Variants in SGCZ observed in about 807,000 individuals in gnomAD.
SGCZ encodes the protein sarcoglycan zeta.
Under a neutral mutation model 41.3 loss-of-function variants are expected in SGCZ, and 40 were observed. The observed-to-expected ratio is 0.97, with a 90% CI of 0.75 to 1.26. SGCZ has a LOEUF of 1.26. Among genes scored for constraint, SGCZ ranks in the 50% most tolerant of loss-of-function variants. The pLI is 0.00. For synonymous variants in SGCZ, 206 were observed against 137.5 expected, an observed-to-expected ratio of 1.50 and a Z score of -3.49; for missense variants, 552 against 369.8, an observed-to-expected ratio of 1.49 and a Z score of -4.04.
At chr8:14,790,510 G>T (rs1380654818) in intron 1 of SGCZ, among the ~76,000 whole-genome samples, 1 of 152,046 alleles carries the variant, frequency 6.6e-6, no homozygotes, top group Non-Finnish European at 1.5e-5. Context: ...TTGGAAAATA[G>T]TCCAAAACAT....
At chr8:14,965,289 G>T (rs1801097000) in intron 1 of SGCZ, among the ~76,000 whole-genome samples, 1 of 152,092 alleles carries the variant, frequency 6.6e-6, no homozygotes, top group African/African-American at 2.4e-5. Flanking sequence ...TAGGTGCGAT[G>T]TTTAACCTCC....
chr8:14,757,864 T>C (rs1387194913), intron 1 of SGCZ, among the ~76,000 whole-genome samples: 5 of 152,194 alleles, frequency 3.3e-5, no homozygotes, highest in Non-Finnish European at 7.3e-5. Context: ...AAATGGAAAC[T>C]ACAATTGCAT....
chr8:14,580,889 T>C (rs1377197760), intron 1 of SGCZ, among the ~76,000 whole-genome samples: 1 of 152,176 alleles, frequency 6.6e-6, no homozygotes, highest in Non-Finnish European at 1.5e-5. Context: ...TAGGGCTCAC[T>C]CATTCAAGCA....
intron 2 of SGCZ, among the ~76,000 whole-genome samples, chr8:14,443,676 A>C (rs1224190629): frequency 6.6e-6 from 1 of 152,212 alleles, no homozygotes; most frequent in Admixed American, 6.5e-5. Flanking sequence ...TGGATTAAAG[A>C]CTGAAACGTT....
intron 1 of SGCZ, among the ~76,000 whole-genome samples, chr8:14,786,803 T>C (rs549465830): frequency 2.7e-5 from 4 of 149,082 alleles, no homozygotes; most frequent in African/African-American, 1.0e-4. Flanking sequence ...AAAGATCCCA[T>C]GTTTTACAAG....
At chr8:15,041,985 AG>A (rs1163676756) in intron 1 of SGCZ, among the ~76,000 whole-genome samples, 4 of 152,192 alleles carry the variant, frequency 2.6e-5, no homozygotes, top group African/African-American at 9.6e-5. Context: ...AAAAGGCTAA[AG>A]GAAGAAAATG....
chr8:15,123,013 C>T (rs991690793), intron 1 of SGCZ, among the ~76,000 whole-genome samples: 3 of 152,124 alleles, frequency 2.0e-5, no homozygotes, highest in African/African-American at 7.2e-5. Flanking sequence ...AAAAATGTTA[C>T]CAACAAAACT....
rs190588774 is a variant in SGCZ at position 14,472,017 on chromosome 8, C to T, written c.234+82715G>A. Among the ~76,000 whole-genome samples the T allele has an allele frequency of 1.5e-3, 231 of 152,046 alleles. 7 individuals are homozygous for T. The East Asian group carries it at 0.039, about 25-fold the overall frequency. ...GGCAGTTAATAAATAATAATAAAATCTTTTATTATTTCTCCTGTATCTGTA... is the reference window on the plus strand; with the variant it reads ...GGCAGTTAATAAATAATAATAAAATTTTTTATTATTTCTCCTGTATCTGTA... On this transcript the variant is annotated intron_variant, in intron 2 of 7. Coordinates refer to ENST00000382080, the MANE Select transcript of SGCZ (RefSeq NM_139167.4).
chr8:14,688,678 G>T (rs983684814), intron 1 of SGCZ, among the ~76,000 whole-genome samples: 1 of 152,134 alleles, frequency 6.6e-6, no homozygotes, highest in Non-Finnish European at 1.5e-5. Context: ...GGCAATGCGG[G>T]CTCTTTTTTG....
intron 1 of SGCZ, among the ~76,000 whole-genome samples, chr8:14,995,308 A>C (rs781434194): frequency 9.9e-5 from 15 of 152,246 alleles, no homozygotes; most frequent in Non-Finnish European, 1.9e-4. Context: ...AAGTGTGGGG[A>C]TGATGACCTG....
At chr8:15,044,606 A>T (rs1286086832) in intron 1 of SGCZ, among the ~76,000 whole-genome samples, 1 of 152,094 alleles carries the variant, frequency 6.6e-6, no homozygotes, top group Non-Finnish European at 1.5e-5. Flanking sequence ...ATGCAGTAAA[A>T]CTCATAATTG....
At chr8:14,776,494 A>G (rs1234408357) in intron 1 of SGCZ, among the ~76,000 whole-genome samples, 1 of 149,352 alleles carries the variant, frequency 6.7e-6, no homozygotes, top group Non-Finnish European at 1.5e-5. Flanking sequence ...GTGAAATCAG[A>G]CTAATACACT....
chr8:14,761,519 T>A (rs1354042905), intron 1 of SGCZ, among the ~76,000 whole-genome samples: 1 of 147,392 alleles, frequency 6.8e-6, no homozygotes, highest in African/African-American at 2.5e-5. Context: ...ATTATTATTA[T>A]TTTATTTATT....
At chr8:14,732,725 A>T (rs552880741) in intron 1 of SGCZ, among the ~76,000 whole-genome samples, 4 of 152,276 alleles carry the variant, frequency 2.6e-5, no homozygotes, top group African/African-American at 9.6e-5. Flanking sequence ...ACCAATATGC[A>T]CAAGACAGTG....
chr8:14,261,590 T>C (rs1444123979), intron 3 of SGCZ, among the ~76,000 whole-genome samples: 2 of 152,300 alleles, frequency 1.3e-5, no homozygotes, highest in East Asian at 3.9e-4. Flanking sequence ...ATGCCAAGTA[T>C]AAGCTATTTG....
intron 1 of SGCZ, among the ~76,000 whole-genome samples, chr8:14,838,898 G>A (rs1802801618): frequency 6.6e-6 from 1 of 152,120 alleles, no homozygotes; most frequent in Non-Finnish European, 1.5e-5. Flanking sequence ...GGTAACCAAA[G>A]TGGTTAGAAG....
chr8:14,495,464 G>A (rs76311265), intron 2 of SGCZ, among the ~76,000 whole-genome samples: 1 of 152,122 alleles, frequency 6.6e-6, no homozygotes, highest in African/African-American at 2.4e-5. Flanking sequence ...TGACAGTTAA[G>A]TATCACTGAA....
intron 2 of SGCZ, among the ~76,000 whole-genome samples, chr8:14,374,299 T>A (rs7842578): frequency 0.27 from 41,747 of 151,984 alleles, 6,006 homozygotes; most frequent in African/African-American, 0.34. Context: ...GGATAACCTG[T>A]GCCCAGGAGG....
chr8:14,752,089 A>G (rs1799515933), intron 1 of SGCZ, among the ~76,000 whole-genome samples: 1 of 149,612 alleles, frequency 6.7e-6, no homozygotes, highest in Non-Finnish European at 1.5e-5. Context: ...ATTTAGCAAC[A>G]GAGCCAAAAT....
Sources: gnomAD v4.1 joint callset for allele counts (sites outside exome capture counted in the v4.1 genomes callset) on GRCh38, gnomAD v4.1.1 for gene constraint, MANE v1.5 for transcripts, NCBI Gene and HGNC (gene_info 2026-07-23, HGNC 2026-07-21) for gene names.